Variants in NREP observed in about 807,000 individuals in gnomAD.
The protein encoded by NREP is neuronal regeneration-related protein.
In NREP, 5 loss-of-function variants were observed where a neutral mutation model predicts 8.6. The ratio of observed to expected loss-of-function variants is 0.58; its 90% CI spans 0.30 to 1.22. The LOEUF is 1.22. NREP is among the 50% of genes most tolerant of loss of function. The pLI is 0.07. For synonymous variants in NREP, 27 were observed against 28.0 expected, an observed-to-expected ratio of 0.96 and a Z score of 0.11; for missense variants, 86 against 82.5, an observed-to-expected ratio of 1.04 and a Z score of -0.17.
At chr5:111,859,287 A>G (rs1753493934) in intron 2 of NREP, among the ~76,000 whole-genome samples, 1 of 152,204 alleles carries the variant, frequency 6.6e-6, no homozygotes, top group African/African-American at 2.4e-5. Flanking sequence ...AGTATGAAGT[A>G]GTTATTAGTT....
At chr5:111,848,713 C>A (rs1753238862) in intron 2 of NREP, among the ~76,000 whole-genome samples, 1 of 146,190 alleles carries the variant, frequency 6.8e-6, no homozygotes, top group African/African-American at 2.5e-5. Flanking sequence ...AACTGTAAGA[C>A]ATGGAACCAT....
chr5:111,866,837 C>T (rs1358974482), intron 2 of NREP, among the ~76,000 whole-genome samples: 1 of 151,962 alleles, frequency 6.6e-6, no homozygotes, highest in African/African-American at 2.4e-5. Flanking sequence ...GAGTTCATGT[C>T]CTTTGTAGGG....
chr5:111,971,873 A>C (rs1410398263), intron 2 of NREP, among the ~76,000 whole-genome samples: 1 of 152,166 alleles, frequency 6.6e-6, no homozygotes, highest in Non-Finnish European at 1.5e-5. Context: ...GTGGGCAGCC[A>C]AAGCAAAAAT....
intron 2 of NREP, among the ~76,000 whole-genome samples, chr5:111,895,382 T>C (rs987278933): frequency 6.6e-6 from 1 of 152,056 alleles, no homozygotes; most frequent in Non-Finnish European, 1.5e-5. Context: ...CAGCTGACAA[T>C]CCAAGTGGGA....
chr5:111,957,249 T>C (rs1024019705), intron 2 of NREP, among the ~76,000 whole-genome samples: 6 of 151,918 alleles, frequency 3.9e-5, no homozygotes, highest in African/African-American at 1.4e-4. Context: ...TGTGATTTGA[T>C]AAAATAATAA....
At chr5:111,845,769 A>C (rs1209300177) in intron 2 of NREP, among the ~76,000 whole-genome samples, 1 of 152,110 alleles carries the variant, frequency 6.6e-6, no homozygotes, top group African/African-American at 2.4e-5. Flanking sequence ...AAACAGGACT[A>C]ACATGACCAA....
intron 2 of NREP, among the ~76,000 whole-genome samples, chr5:111,831,505 C>A (rs1449153068): frequency 6.6e-6 from 1 of 152,186 alleles, no homozygotes; most frequent in East Asian, 1.9e-4. Flanking sequence ...CTCTTCTCAT[C>A]ATCCACAGGC....
At chr5:111,946,287 G>A (rs962941560) in intron 2 of NREP, among the ~76,000 whole-genome samples, 3 of 150,666 alleles carry the variant, frequency 2.0e-5, no homozygotes, top group Non-Finnish European at 4.4e-5. Context: ...CAAAAAACAA[G>A]ATCCTCAAAT....
chr5:111,755,082 T>C (rs1030837100), intron 2 of NREP, among the ~76,000 whole-genome samples: 1 of 152,210 alleles, frequency 6.6e-6, no homozygotes, highest in Non-Finnish European at 1.5e-5. Context: ...AATATACTTA[T>C]TCAGCTGCTT....
At chr5:111,772,437 T>C (rs113160413) in intron 2 of NREP, among the ~76,000 whole-genome samples, 94 of 152,312 alleles carry the variant, frequency 6.2e-4, no homozygotes, top group African/African-American at 2.1e-3. Flanking sequence ...TACAAAACTT[T>C]TGTTTAAAAA....
At chr5:111,875,171 A>G (rs1753875291) in intron 2 of NREP, among the ~76,000 whole-genome samples, 2 of 152,128 alleles carry the variant, frequency 1.3e-5, no homozygotes, top group Non-Finnish European at 2.9e-5. Context: ...TTTTTCCCTT[A>G]TTTTGTGACT....
At chr5:111,936,347 C>G (rs1755682724) in intron 2 of NREP, among the ~76,000 whole-genome samples, 1 of 152,072 alleles carries the variant, frequency 6.6e-6, no homozygotes, top group Non-Finnish European at 1.5e-5. Flanking sequence ...TTCACACACT[C>G]TCTCTTTCCT....
At chr5:111,974,655 A>C (rs1183599862) in intron 2 of NREP, 1 of 152,352 alleles carries the variant, frequency 6.6e-6, no homozygotes, top group African/African-American at 2.4e-5. Context: ...ATACAGTAGC[A>C]TCTTCCTATA....
intron 2 of NREP, among the ~76,000 whole-genome samples, chr5:111,892,309 C>G (rs1754413464): frequency 6.6e-6 from 1 of 152,020 alleles, no homozygotes; most frequent in South Asian, 2.1e-4. Context: ...ATGTGCTCTG[C>G]TCATGGTATC....
Position 111,729,692 on chromosome 5 carries a change from G to C in NREP, c.*1229C>G, listed in dbSNP as rs1401792715. Reference sequence around the variant, plus strand: ...ATATAAAAATTAAGGTGGGCTTTCAGACTGGCTAACACAACAACATTCCAT... The same window carrying C: ...ATATAAAAATTAAGGTGGGCTTTCACACTGGCTAACACAACAACATTCCAT... On this transcript the variant is annotated 3_prime_UTR_variant, in exon 4 of 4. Coordinates refer to ENST00000257435, the MANE Select transcript of NREP (RefSeq NM_004772.4). 1.3e-5 allele frequency: 2 copies of C among 152,660 alleles called. No individual in the cohort carries two copies. Among genetic ancestry groups the C allele is most frequent in the Non-Finnish European group, 2.9e-5 (2 of 68,046 alleles). The allele number at this position is 152,660 out of a possible 1,614,324, so 9.5% of individuals were successfully genotyped here.
At chr5:111,969,859 G>A (rs1372416902) in intron 2 of NREP, among the ~76,000 whole-genome samples, 2 of 152,162 alleles carry the variant, frequency 1.3e-5, no homozygotes, top group African/African-American at 4.8e-5. Context: ...TAAAAATGTG[G>A]TACTGGTGGA....
intron 2 of NREP, among the ~76,000 whole-genome samples, chr5:111,804,269 C>T (rs1752084960): frequency 1.3e-5 from 2 of 152,228 alleles, no homozygotes; most frequent in South Asian, 4.1e-4. Context: ...CATTTCAAAA[C>T]ACTGGAGGAA....
chr5:111,956,295 A>G (rs1331051599), intron 2 of NREP, among the ~76,000 whole-genome samples: 4 of 152,182 alleles, frequency 2.6e-5, no homozygotes, highest in African/African-American at 9.6e-5. Flanking sequence ...TCACACCAAC[A>G]GAAATAACAA....
At chr5:111,976,174 AAGATTATACAAT>A (rs981531810) in intron 1 of NREP, among the ~76,000 whole-genome samples, 1 of 152,226 alleles carries the variant, frequency 6.6e-6, no homozygotes, top group African/African-American at 2.4e-5. Context: ...TCATTCAGAA[AAGATTATACAAT>A]AGCTTTTGAC....
Sources: allele counts gnomAD v4.1 joint callset (sites outside exome capture counted in the v4.1 genomes callset), GRCh38; gene constraint gnomAD v4.1.1; transcripts MANE v1.5; gene names NCBI Gene and HGNC (gene_info 2026-07-23, HGNC 2026-07-21).